CSGALNACT1: variants seen among roughly 807,000 people sequenced by gnomAD.
CSGALNACT1 encodes chondroitin sulfate N-acetylgalactosaminyltransferase 1, also known as beta4GalNAcT-1.
CSGALNACT1 carries 52 observed loss-of-function variants against 51.0 expected under a neutral mutation model. The ratio of observed to expected loss-of-function variants is 1.02; its 90% confidence interval spans 0.82 to 1.29. CSGALNACT1 has a LOEUF of 1.29. Ranked by LOEUF, CSGALNACT1 falls within the 50% of genes most tolerant of loss-of-function variation. The pLI, the probability that CSGALNACT1 is intolerant of heterozygous loss-of-function variation, is 0.00. For missense variants in CSGALNACT1, 935 were observed against 679.2 expected (o/e 1.38, Z -4.19); for synonymous variants, 341 against 254.4 (o/e 1.34, Z -3.24).
intron 1 of CSGALNACT1, among the ~76,000 whole-genome samples, chr8:19,728,791 T>A (rs1201749425): frequency 6.6e-6 from 1 of 152,188 alleles, no homozygotes; most frequent in Non-Finnish European, 1.5e-5. Context: ...TTTAGGTGTG[T>A]ATGACTGCAC....
chr8:19,438,951 ACT>A (rs2060841628), intron 6 of CSGALNACT1, among the ~76,000 whole-genome samples: 1 of 152,204 alleles, frequency 6.6e-6, no homozygotes, highest in Admixed American at 6.5e-5. Flanking sequence ...AACAGAGGAC[ACT>A]GTTTATATCT....
intron 1 of CSGALNACT1, among the ~76,000 whole-genome samples, chr8:19,747,246 T>C (rs771725834): frequency 6.7e-6 from 1 of 149,518 alleles, no homozygotes; most frequent in Non-Finnish European, 1.5e-5. Flanking sequence ...ATGTCTTGAG[T>C]AGGAGAGAAA....
intron 1 of CSGALNACT1, among the ~76,000 whole-genome samples, chr8:19,749,217 GTT>G (rs77653646): frequency 7.1e-6 from 1 of 139,962 alleles, no homozygotes; most frequent in African/African-American, 2.6e-5. Context: ...GTCCTTCTGT[GTT>G]TTTTTTTTTT....
rs372772257 is a variant in CSGALNACT1, at chr8:19,425,233, T to C, written c.954-4715A>G. Among the ~76,000 whole-genome samples, 6 of 152,240 alleles carry C rather than the reference T, an allele frequency of 3.9e-5. No homozygotes were observed. The East Asian group carries it at 7.7e-4, about 20-fold the overall frequency. On this transcript the variant is annotated intron_variant, in intron 6 of 9. Coordinates refer to ENST00000454498, the Ensembl canonical transcript of CSGALNACT1. ...GGTGGCGCCTGTAGTCCTCACTACT[T>C]GGGAGGCTGAGGCAGGAGAATCGCT... is the stretch of plus-strand genomic sequence containing the variant.
chr8:19,712,638 C>T (rs992566107), intron 1 of CSGALNACT1, among the ~76,000 whole-genome samples: 5 of 152,132 alleles, frequency 3.3e-5, no homozygotes, highest in African/African-American at 4.8e-5. Context: ...CTCTAACTAC[C>T]GCCATTACAC....
intron 3 of CSGALNACT1, among the ~76,000 whole-genome samples, chr8:19,569,470 G>T (rs2154107444): frequency 6.6e-6 from 1 of 152,134 alleles, no homozygotes; most frequent in Non-Finnish European, 1.5e-5. Context: ...TTGCCACCTG[G>T]TGAATTAAAA....
At chr8:19,557,371 A>G (rs2039699150) in intron 3 of CSGALNACT1, among the ~76,000 whole-genome samples, 1 of 152,142 alleles carries the variant, frequency 6.6e-6, no homozygotes, top group Non-Finnish European at 1.5e-5. Flanking sequence ...TTGCAAAACT[A>G]AAGTCAGATT....
At chr8:19,550,415 A>C (rs2087700753) in intron 3 of CSGALNACT1, among the ~76,000 whole-genome samples, 1 of 152,072 alleles carries the variant, frequency 6.6e-6, no homozygotes, top group African/African-American at 2.4e-5. Context: ...CCAACTCCTC[A>C]CTGAATTTTT....
intron 1 of CSGALNACT1, among the ~76,000 whole-genome samples, chr8:19,755,581 T>TATTGG (rs1231258524): frequency 6.6e-6 from 1 of 150,964 alleles, no homozygotes; most frequent in African/African-American, 2.4e-5. Context: ...TGAGGAATAC[T>TATTGG]ATTGGCATTT....
intron 3 of CSGALNACT1, among the ~76,000 whole-genome samples, chr8:19,553,902 A>AACACACACACACACACACACAC (rs34664028): frequency 2.7e-5 from 4 of 147,460 alleles, no homozygotes; most frequent in African/African-American, 1.0e-4. Context: ...GAACTCGTAG[A>AACACACACACACACACACACAC]ACACACACAC....
At chr8:19,563,518 T>C (rs1039978324) in intron 3 of CSGALNACT1, among the ~76,000 whole-genome samples, 1 of 152,094 alleles carries the variant, frequency 6.6e-6, no homozygotes, top group African/African-American at 2.4e-5. Context: ...CCACTCCCAC[T>C]CTATCAGTGC....
At chr8:19,608,231 C>A (rs111228670) in intron 1 of CSGALNACT1, among the ~76,000 whole-genome samples, 1,953 of 152,234 alleles carry the variant, frequency 0.013, 57 homozygotes, top group African/African-American at 0.045. Flanking sequence ...ATGCATGATC[C>A]CAGGCAACAG....
chr8:19,430,765 A>T (rs1290177451), intron 6 of CSGALNACT1, among the ~76,000 whole-genome samples: 6 of 152,148 alleles, frequency 3.9e-5, no homozygotes, highest in Non-Finnish European at 8.8e-5. Context: ...GATTGTACTG[A>T]AACTATAGAT....
chr8:19,542,239 G>T (rs1010867932), intron 3 of CSGALNACT1, among the ~76,000 whole-genome samples: 45 of 88,660 alleles, frequency 5.1e-4, no homozygotes, highest in African/African-American at 2.0e-3. Context: ...ACACACACAG[G>T]GTTATTATTC....
intron 3 of CSGALNACT1, among the ~76,000 whole-genome samples, chr8:19,523,599 T>C (rs1431520490): frequency 1.3e-5 from 2 of 152,166 alleles, no homozygotes; most frequent in Admixed American, 1.3e-4. Context: ...CCAGGCTACA[T>C]TGTACTATTA....
At chr8:19,653,247 C>T (rs1166112949) in intron 1 of CSGALNACT1, among the ~76,000 whole-genome samples, 5 of 152,152 alleles carry the variant, frequency 3.3e-5, no homozygotes, top group Non-Finnish European at 7.4e-5. Flanking sequence ...TTGTAGCTTT[C>T]TCAGTTCTCC....
intron 1 of CSGALNACT1, among the ~76,000 whole-genome samples, chr8:19,613,954 T>C (rs1450133485): frequency 6.6e-6 from 1 of 152,232 alleles, no homozygotes; most frequent in Non-Finnish European, 1.5e-5. Flanking sequence ...GCATTAATTA[T>C]TCCTGAGAGG....
At chr8:19,425,790 G>C (rs992904060) in intron 6 of CSGALNACT1, among the ~76,000 whole-genome samples, 8 of 152,238 alleles carry the variant, frequency 5.3e-5, no homozygotes, top group Admixed American at 3.9e-4. Flanking sequence ...ACCAAGGTGT[G>C]GGCATGGCTG....
intron 1 of CSGALNACT1, among the ~76,000 whole-genome samples, chr8:19,632,578 C>A (rs961859721): frequency 6.6e-6 from 1 of 152,196 alleles, no homozygotes; most frequent in African/African-American, 2.4e-5. Flanking sequence ...TGTTCTTAAC[C>A]CGCAGCTATC....
Sources: gnomAD v4.1 joint callset for allele counts (sites outside exome capture counted in the v4.1 genomes callset) on GRCh38, gnomAD v4.1.1 for gene constraint, MANE v1.5 for transcripts, NCBI Gene and HGNC (gene_info 2026-07-23, HGNC 2026-07-21) for gene names.